TNFRSF10C: variants seen among roughly 807,000 people sequenced by gnomAD.
The protein encoded by TNFRSF10C is tumor necrosis factor receptor superfamily member 10C.
Under a neutral mutation model 16.7 loss-of-function variants are expected in TNFRSF10C, and 17 were observed. That is an observed-to-expected ratio of 1.02 (90% CI 0.70 to 1.53). The LOEUF (loss-of-function observed/expected upper bound fraction) is 1.53. Among genes scored for constraint, TNFRSF10C ranks in the 40% most tolerant of loss-of-function variants. The pLI, the probability that TNFRSF10C is intolerant of heterozygous loss-of-function variation, is 0.00. For missense variants in TNFRSF10C, 237 were observed against 329.7 expected, an observed-to-expected ratio of 0.72 and a Z score of 2.18; for synonymous variants, 73 against 119.7, an observed-to-expected ratio of 0.61 and a Z score of 2.55.
rs764957375 is a variant in TNFRSF10C at position 23,103,364 on chromosome 8, C to T, written c.60+183C>T. 9.1e-6 allele frequency: 10 copies of T among 1,097,468 alleles called. No individual in the cohort carries two copies. In the East Asian group the frequency reaches 2.1e-4, roughly 23 times the overall value. The allele number at this position is 1,097,468 out of a possible 1,614,324, so 68.0% of individuals were successfully genotyped here. On this transcript the variant is annotated intron_variant, in intron 1 of 4. Coordinates refer to ENST00000356864, the MANE Select transcript of TNFRSF10C (RefSeq NM_003841.5). ...GGTCCCCGGGCTGGGCAGGAGGGAC[C>T]CGGCCGCGAGGGAGCAGAGAGGCGG...
At chr8:23,115,467 T>C (rs754257856) in intron 3 of TNFRSF10C, 41 bp from the exon 4 acceptor site, 62 of 1,562,798 alleles carry the variant, frequency 4.0e-5, no homozygotes, top group Non-Finnish European at 8.8e-7. Flanking sequence ...GAGGGATACA[T>C]CAGGGAAACA....
At chr8:23,106,678 C>T (rs1813782610) in intron 1 of TNFRSF10C, among the ~76,000 whole-genome samples, 1 of 152,164 alleles carries the variant, frequency 6.6e-6, no homozygotes, top group Admixed American at 6.5e-5. Context: ...GCCTCGACTT[C>T]TCATCCTTAA....
At chr8:23,116,550 G>A (rs190621071) in intron 4 of TNFRSF10C, 91 bp from the exon 5 acceptor site, 22 of 1,511,252 alleles carry the variant, frequency 1.5e-5, no homozygotes, top group Non-Finnish European at 2.7e-6. Context: ...CACCTTCTCA[G>A]GGACATTGGA....
chr8:23,111,881 T>G, intron 2 of TNFRSF10C, 56 bp downstream of exon 2: 1 of 1,507,340 alleles, frequency 6.6e-7, no homozygotes, highest in Non-Finnish European at 9.1e-7. Context: ...AAACATTGTA[T>G]GTATTTATGA....
At chr8:23,109,488 T>G (rs1813839576) in intron 1 of TNFRSF10C, among the ~76,000 whole-genome samples, 1 of 151,658 alleles carries the variant, frequency 6.6e-6, no homozygotes, top group African/African-American at 2.4e-5. Context: ...ATACAAAAAA[T>G]TAGCCAGGCG....
intron 3 of TNFRSF10C, 65 bp downstream of exon 3, chr8:23,114,835 C>T (rs1007177337): frequency 2.0e-5 from 28 of 1,415,582 alleles, no homozygotes; most frequent in African/African-American, 2.8e-5. Context: ...GAGTTGTAGC[C>T]GATATGAGTC....
intron 1 of TNFRSF10C, chr8:23,103,495 G>C: frequency 2.0e-6 from 1 of 507,294 alleles, no homozygotes; most frequent in Non-Finnish European, 3.6e-6. Flanking sequence ...GACACAGAGC[G>C]GTTGCCTCTC....
intron 1 of TNFRSF10C, among the ~76,000 whole-genome samples, chr8:23,106,447 T>A (rs1181215855): frequency 2.6e-4 from 39 of 148,752 alleles, no homozygotes; most frequent in African/African-American, 9.0e-4. Context: ...TTTTTTTTTT[T>A]AGCTGGGCCT....
At chr8:23,113,070 T>C (rs149046307) in intron 2 of TNFRSF10C, among the ~76,000 whole-genome samples, 1 of 152,222 alleles carries the variant, frequency 6.6e-6, no homozygotes, top group Non-Finnish European at 1.5e-5. Flanking sequence ...TTTTTTCATA[T>C]ACTTTTTGGC....
chr8:23,103,370 G>A, intron 1 of TNFRSF10C, 189 bp downstream of exon 1: 1 of 1,028,690 alleles, frequency 9.7e-7, no homozygotes, highest in Admixed American at 2.2e-5. Context: ...GGACCCGGCC[G>A]CGAGGGAGCA....
intron 3 of TNFRSF10C, among the ~76,000 whole-genome samples, chr8:23,115,206 CAG>C (rs1813957126): frequency 6.6e-6 from 1 of 152,156 alleles, no homozygotes; most frequent in Non-Finnish European, 1.5e-5. Flanking sequence ...CGTCTCCTTG[CAG>C]AGTCTCTCAG....
chr8:23,114,653 C>G lies in TNFRSF10C; in HGVS notation c.167-4C>G, dbSNP rs1350383853. ...CATTCATTGGCTTTTCTCTTCCTTC[C>G]CAGGATCTCATAGATCAGAACATAC... On this transcript the variant is annotated splice_region_variant and splice_polypyrimidine_tract_variant and intron_variant, in intron 2 of 4. Coordinates refer to ENST00000356864, the MANE Select transcript of TNFRSF10C (RefSeq NM_003841.5). The G allele has an allele frequency of 3.1e-6, 5 of 1,611,604 alleles. 1 individual carries two copies. The South Asian group carries it at 5.5e-5, about 18-fold the overall frequency.
intron 1 of TNFRSF10C, among the ~76,000 whole-genome samples, chr8:23,107,869 C>T (rs960754815): frequency 2.0e-5 from 3 of 152,168 alleles, no homozygotes; most frequent in South Asian, 2.1e-4. Flanking sequence ...AAAAGGAAGA[C>T]ACAGATGTTG....
chr8:23,105,637 G>A (rs1813761678), intron 1 of TNFRSF10C, among the ~76,000 whole-genome samples: 1 of 152,226 alleles, frequency 6.6e-6, no homozygotes, highest in South Asian at 2.1e-4. Flanking sequence ...GGTGGCTGCA[G>A]ATGGCTACTC....
Position 23,103,142 on chromosome 8 carries a change from C to T in TNFRSF10C, c.21C>T (p.Thr7=), listed in dbSNP as rs10107827. MARIPK[T]LKFVVVIVAV... ...ATACCATGGCCCGGATCCCCAAGAC[C>T]CTAAAGTTCGTCGTCGTCATCGTCG... Residue 7 remains threonine, a synonymous_variant, in exon 1 of 5, where the codon ACC becomes ACT. Transcript: ENST00000356864. 7.3e-3 allele frequency: 11,830 copies of T among 1,612,340 alleles called. 670 individuals carry two copies. The African/African-American group carries it at 0.13, about 17-fold the overall frequency.
chr8:23,104,076 C>A (rs1189065634), intron 1 of TNFRSF10C, among the ~76,000 whole-genome samples: 1 of 152,202 alleles, frequency 6.6e-6, no homozygotes, highest in Non-Finnish European at 1.5e-5. Context: ...ACACAACTGA[C>A]TTTTAAAATA....
intron 1 of TNFRSF10C, among the ~76,000 whole-genome samples, chr8:23,106,374 C>A (rs117919015): frequency 0.034 from 5,083 of 151,318 alleles, 113 homozygotes; most frequent in South Asian, 0.074. Flanking sequence ...ATTACAGTCA[C>A]CATTGAGGGT....
At chr8:23,105,275 C>T (rs567068485) in intron 1 of TNFRSF10C, among the ~76,000 whole-genome samples, 1 of 152,316 alleles carries the variant, frequency 6.6e-6, no homozygotes, top group South Asian at 2.1e-4. Flanking sequence ...CTGTGTAAAC[C>T]TCAGAGGGCT....
At chr8:23,106,532 A>G (rs1050283106) in intron 1 of TNFRSF10C, among the ~76,000 whole-genome samples, 3 of 151,562 alleles carry the variant, frequency 2.0e-5, no homozygotes, top group Admixed American at 6.6e-5. Context: ...TTTACCTGGC[A>G]TGGAAGAACC....
Sources: allele counts gnomAD v4.1 joint callset (sites outside exome capture counted in the v4.1 genomes callset), GRCh38; gene constraint gnomAD v4.1.1; transcripts MANE v1.5; gene names NCBI Gene and HGNC (gene_info 2026-07-23, HGNC 2026-07-21).